The following MAPKAPK3 variants were observed in gnomAD, a reference collection of about 807,000 sequenced individuals.
MAPKAPK3 encodes the protein MAPK activated protein kinase 3.
In MAPKAPK3, 35 loss-of-function variants were observed where a neutral mutation model predicts 49.2. That is an observed-to-expected ratio of 0.71 (90% CI 0.54 to 0.94). The LOEUF is 0.94. Among genes scored for constraint, MAPKAPK3 ranks in the 40% least tolerant of loss-of-function variants. The pLI is 0.00. For synonymous variants in MAPKAPK3, 178 were observed against 188.7 expected (o/e 0.94, Z 0.46); for missense variants, 398 against 493.1 (o/e 0.81, Z 1.83).
At chr3:50,616,270 C>G (rs1417792846), upstream of MAPKAPK3, among the ~76,000 whole-genome samples, 1 of 152,046 alleles carries the variant, frequency 6.6e-6, no homozygotes, top group African/African-American at 2.4e-5. Flanking sequence ...GCCACCCTCC[C>G]TATGGCTCTA....
At chr3:50,636,488 G>C (rs1198706427) in intron 2 of MAPKAPK3, among the ~76,000 whole-genome samples, 1 of 152,210 alleles carries the variant, frequency 6.6e-6, no homozygotes, top group African/African-American at 2.4e-5. Context: ...GAAGTGAAAA[G>C]GGCGATGACG....
chr3:50,643,920 C>T (rs1358494814), intron 5 of MAPKAPK3, among the ~76,000 whole-genome samples: 1 of 152,166 alleles, frequency 6.6e-6, no homozygotes, highest in East Asian at 1.9e-4. Context: ...TCCTGGGACA[C>T]AGGAAGATTG....
chr3:50,630,032 C>T (rs34846525), intron 2 of MAPKAPK3, among the ~76,000 whole-genome samples: 14,244 of 152,262 alleles, frequency 0.094, 829 homozygotes, highest in Non-Finnish European at 0.12. Flanking sequence ...CAAGCTGCCA[C>T]CCTGCCCCCC....
chr3:50,648,325 T>G lies in MAPKAPK3; in HGVS notation c.*279T>G, dbSNP rs1308229176. The G allele has an allele frequency of 2.6e-6, 1 of 386,128 alleles. No individual in the cohort carries two copies. Among genetic ancestry groups the G allele is most frequent in the Admixed American group, 4.4e-5 (1 of 22,722 alleles). 23.9% of individuals were successfully genotyped at this position (386,128 alleles called of 1,614,324 possible). A position where few individuals can be genotyped will look rare whatever the true frequency, so the allele number is the denominator to read the frequency against. On this transcript the variant is annotated 3_prime_UTR_variant, in exon 11 of 11. Transcript: ENST00000621469. Reference sequence around the variant, plus strand: ...TAGCTAGGTTGGCCCGAGTGAGGCCTCTGTGCTGTCCTGCCCTGGTGCATG... The same window carrying G: ...TAGCTAGGTTGGCCCGAGTGAGGCCGCTGTGCTGTCCTGCCCTGGTGCATG...
At chr3:50,616,044 T>C (rs2032457135), upstream of MAPKAPK3, among the ~76,000 whole-genome samples, 1 of 152,162 alleles carries the variant, frequency 6.6e-6, no homozygotes, top group South Asian at 2.1e-4. Flanking sequence ...AAGAGTAGGA[T>C]GGCTGGAAGA....
At chr3:50,628,441 A>T (rs185592407) in intron 2 of MAPKAPK3, among the ~76,000 whole-genome samples, 1 of 152,370 alleles carries the variant, frequency 6.6e-6, no homozygotes, top group Admixed American at 6.5e-5. Flanking sequence ...TGTGTTTGCT[A>T]AAATGTTCCA....
At chr3:50,621,951 G>A (rs2032620497) in intron 2 of MAPKAPK3, among the ~76,000 whole-genome samples, 1 of 152,176 alleles carries the variant, frequency 6.6e-6, no homozygotes, top group Admixed American at 6.5e-5. Context: ...GTTAAGGAGA[G>A]TAGAGTGGTG....
chr3:50,632,278 G>A (rs2032933446), intron 2 of MAPKAPK3, among the ~76,000 whole-genome samples: 1 of 152,220 alleles, frequency 6.6e-6, no homozygotes. Context: ...GGTAATAAAA[G>A]CAGCAGAGCC....
At position 50,648,779 on chromosome 3, in the gene MAPKAPK3, G is replaced by A. The variant is rs1049425; in HGVS notation, c.*733G>A. On this transcript the variant is annotated 3_prime_UTR_variant, in exon 11 of 11. Transcript: ENST00000621469. The stretch of plus-strand genomic sequence containing the variant: ...AGGGTGACTTTTCATCTGAACTTAA[G>A]GTGGGAGATATTTTTAACTTTTTTC... The A allele has an allele frequency of 3.3e-5, 5 of 152,276 alleles. No homozygotes were observed. Among genetic ancestry groups the A allele is most frequent in the African/African-American group, 1.2e-4 (5 of 41,466 alleles). 9.4% of individuals were successfully genotyped at this position (152,276 alleles called of 1,614,324 possible). A position where few individuals can be genotyped will look rare whatever the true frequency, so the allele number is the denominator to read the frequency against.
At chr3:50,628,061 G>A (rs1007884614) in intron 2 of MAPKAPK3, among the ~76,000 whole-genome samples, 14 of 152,118 alleles carry the variant, frequency 9.2e-5, no homozygotes, top group Middle Eastern at 3.2e-3. Context: ...TGCCTCTGGG[G>A]GTGAGCCAGT....
intron 2 of MAPKAPK3, 112 bp from the exon 3 acceptor site, chr3:50,640,254 T>C: frequency 1.9e-6 from 2 of 1,043,494 alleles, no homozygotes; most frequent in Non-Finnish European, 2.8e-6. Flanking sequence ...CTGCTCCTTA[T>C]AAGCTGTGTG....
chr3:50,648,053 G>C lies in MAPKAPK3; in HGVS notation c.*7G>C, dbSNP rs2033347653. The C allele has an allele frequency of 1.2e-6, 2 of 1,609,812 alleles. No homozygotes were observed. Among genetic ancestry groups the C allele is most frequent in the South Asian group, 1.1e-5 (1 of 90,610 alleles). ...GGGCTGCAACAACCAGTAGCTCATG[G>C]GGCCTTGGAGGAGCCTGGCCTCTCA... On this transcript the variant is annotated 3_prime_UTR_variant, in exon 11 of 11. Coordinates refer to ENST00000621469, the MANE Select transcript of MAPKAPK3 (RefSeq NM_001243925.2).
At chr3:50,624,550 T>C (rs2107577791) in intron 2 of MAPKAPK3, among the ~76,000 whole-genome samples, 1 of 152,284 alleles carries the variant, frequency 6.6e-6, no homozygotes, top group East Asian at 1.9e-4. Flanking sequence ...CAGGGACTCC[T>C]GGGTCACTTG....
chr3:50,611,828 C>T (rs1018803703), upstream of MAPKAPK3: 8 of 747,178 alleles, frequency 1.1e-5, no homozygotes, highest in East Asian at 1.0e-4. Context: ...GCCAGACGAG[C>T]GGGGCGGGGC....
intron 2 of MAPKAPK3, among the ~76,000 whole-genome samples, chr3:50,637,833 G>A (rs1198355379): frequency 1.3e-5 from 2 of 152,116 alleles, no homozygotes; most frequent in Non-Finnish European, 2.9e-5. Flanking sequence ...GCACATGACA[G>A]GGACCAGCAC....
At chr3:50,631,357 C>T (rs1207768873) in intron 2 of MAPKAPK3, among the ~76,000 whole-genome samples, 1 of 152,182 alleles carries the variant, frequency 6.6e-6, no homozygotes, top group African/African-American at 2.4e-5. Context: ...GAGCGGGGTT[C>T]TGGCATTATA....
intron 2 of MAPKAPK3, among the ~76,000 whole-genome samples, chr3:50,631,670 A>C (rs774766669): frequency 6.6e-5 from 10 of 152,242 alleles, no homozygotes; most frequent in Non-Finnish European, 1.2e-4. Context: ...CCAAATAATC[A>C]TACAACTGGG....
chr3:50,641,823 C>A, intron 4 of MAPKAPK3, 52 bp downstream of exon 4: 1 of 1,485,272 alleles, frequency 6.7e-7, no homozygotes, highest in Non-Finnish European at 9.4e-7. Context: ...GAGGTATGGA[C>A]CAGAGCGTTG....
At chr3:50,641,630 C>A in intron 3 of MAPKAPK3, 77 bp from the exon 4 acceptor site, 1 of 1,167,094 alleles carries the variant, frequency 8.6e-7, no homozygotes, top group Non-Finnish European at 1.3e-6. Context: ...GAAGCCTGGG[C>A]CTATGATTTG....
Sources: gnomAD v4.1 joint callset for allele counts (sites outside exome capture counted in the v4.1 genomes callset) on GRCh38, gnomAD v4.1.1 for gene constraint, MANE v1.5 for transcripts, NCBI Gene and HGNC (gene_info 2026-07-23, HGNC 2026-07-21) for gene names.